ASPH: variants seen among roughly 807,000 people sequenced by gnomAD.
The protein encoded by ASPH is aspartate beta-hydroxylase, also known as aspartyl/asparaginyl beta-hydroxylase.
In ASPH, 100 loss-of-function variants were observed where a neutral mutation model predicts 118.4. The ratio of observed to expected loss-of-function variants is 0.84; its 90% CI spans 0.72 to 1.00. ASPH has a LOEUF of 1.00. Ranked by LOEUF, ASPH falls within the 50% of genes least tolerant of loss-of-function variation. The pLI, the probability that ASPH is intolerant of heterozygous loss-of-function variation, is 0.00. For missense variants in ASPH, 920 were observed against 919.5 expected, an observed-to-expected ratio of 1.00 and a Z score of -0.01; for synonymous variants, 315 against 325.6, an observed-to-expected ratio of 0.97 and a Z score of 0.35.
At chr8:61,523,632 A>T (rs1306850033) in intron 22 of ASPH, among the ~76,000 whole-genome samples, 1 of 152,060 alleles carries the variant, frequency 6.6e-6, no homozygotes, top group Non-Finnish European at 1.5e-5. Context: ...TTTATTCTTT[A>T]AACTATGAAT....
intron 3 of ASPH, among the ~76,000 whole-genome samples, chr8:61,667,986 C>A (rs1820557102): frequency 6.6e-6 from 1 of 152,040 alleles, no homozygotes; most frequent in Non-Finnish European, 1.5e-5. Context: ...TATATACATT[C>A]TTAATTTAAA....
At position 61,611,640 on chromosome 8, in the gene ASPH, C is replaced by A. The variant is rs867000820; in HGVS notation, c.976+7338G>T. Among the ~76,000 whole-genome samples, 51 of 152,284 alleles carry A rather than the reference C, an allele frequency of 3.3e-4. No homozygotes were observed. The Middle Eastern group carries it at 0.01, about 30-fold the overall frequency. ...TAAGAGGGCAGAACTTGGGGTTGGC[C>A]AGGCAACTGAAATTTAGATAGTGAA... On this transcript the variant is annotated intron_variant, in intron 14 of 24. Coordinates refer to ENST00000379454, the MANE Select transcript of ASPH (RefSeq NM_004318.4).
chr8:61,564,297 CTT>C (rs1176381658), intron 17 of ASPH, among the ~76,000 whole-genome samples: 34 of 133,974 alleles, frequency 2.5e-4, no homozygotes, highest in Admixed American at 2.3e-4. Flanking sequence ...AATGCTGATT[CTT>C]TTTTTTTTTT....
At chr8:61,547,179 T>A (rs554777919) in intron 21 of ASPH, among the ~76,000 whole-genome samples, 1 of 152,312 alleles carries the variant, frequency 6.6e-6, no homozygotes, top group Admixed American at 6.5e-5. Flanking sequence ...AAAGTAAACT[T>A]CTGACCAGTC....
chr8:61,508,501 A>ATAG (rs1371268225), intron 24 of ASPH, among the ~76,000 whole-genome samples: 1 of 152,238 alleles, frequency 6.6e-6, no homozygotes, highest in Non-Finnish European at 1.5e-5. Context: ...TAATTTGGTC[A>ATAG]CAGAATTACC....
chr8:61,632,596 T>C (rs767004445), intron 13 of ASPH: 86 of 461,350 alleles, frequency 1.9e-4, no homozygotes, highest in Non-Finnish European at 3.5e-4. Context: ...AAAAGGTCAA[T>C]TTCTCCATGG....
At chr8:61,564,985 C>T (rs1015299451) in intron 17 of ASPH, among the ~76,000 whole-genome samples, 10 of 152,186 alleles carry the variant, frequency 6.6e-5, no homozygotes, top group Non-Finnish European at 4.4e-5. Context: ...GACTGATGAT[C>T]TGTTATGGGA....
At chr8:61,578,118 CT>C in intron 15 of ASPH, 1 of 1,248,034 alleles carries the variant, frequency 8.0e-7, no homozygotes, top group Non-Finnish European at 1.1e-6. Context: ...TGGATAAATG[CT>C]CCCATTCAAA....
intron 3 of ASPH, chr8:61,664,995 C>A: frequency 8.3e-7 from 1 of 1,205,956 alleles, no homozygotes; most frequent in Admixed American, 4.1e-5. Flanking sequence ...GATACATATA[C>A]ATTTATCTGA....
chr8:61,686,254 A>G (rs1001594955), intron 1 of ASPH, among the ~76,000 whole-genome samples: 10 of 152,176 alleles, frequency 6.6e-5, no homozygotes, highest in African/African-American at 2.2e-4. Context: ...CTGGGCATAG[A>G]TCCTATTGTT....
intron 3 of ASPH, among the ~76,000 whole-genome samples, chr8:61,668,034 A>G (rs1414298608): frequency 6.6e-6 from 1 of 152,224 alleles, no homozygotes; most frequent in Non-Finnish European, 1.5e-5. Context: ...AAAGATAATG[A>G]CTTAAAATTA....
At chr8:61,696,054 C>T (rs1034632119) in intron 1 of ASPH, among the ~76,000 whole-genome samples, 3 of 152,162 alleles carry the variant, frequency 2.0e-5, no homozygotes, top group African/African-American at 7.2e-5. Flanking sequence ...CGTCCCTTCA[C>T]CAAGTTTTCA....
intron 20 of ASPH, among the ~76,000 whole-genome samples, chr8:61,551,013 C>T (rs1031345544): frequency 1.3e-5 from 2 of 152,116 alleles, no homozygotes; most frequent in Admixed American, 6.5e-5. Context: ...GGAGGAAAAA[C>T]GGTTTAGAGA....
At chr8:61,657,751 G>A (rs1050560609) in intron 3 of ASPH, 1 of 152,046 alleles carries the variant, frequency 6.6e-6, no homozygotes, top group African/African-American at 2.4e-5. Context: ...GGAACACAAA[G>A]GATTTACTTC....
At chr8:61,649,845 T>TC (rs1810003743) in intron 5 of ASPH, among the ~76,000 whole-genome samples, 1 of 152,032 alleles carries the variant, frequency 6.6e-6, no homozygotes, top group African/African-American at 2.4e-5. Flanking sequence ...CTAAATACCT[T>TC]CCCCAATGGC....
chr8:61,630,444 T>C (rs1182028398), intron 13 of ASPH, among the ~76,000 whole-genome samples: 2 of 152,066 alleles, frequency 1.3e-5, no homozygotes, highest in Non-Finnish European at 2.9e-5. Context: ...AATTGTAACA[T>C]GTGGTAGGAC....
chr8:61,617,308 G>A (rs1234964429), intron 14 of ASPH, among the ~76,000 whole-genome samples: 1 of 152,162 alleles, frequency 6.6e-6, no homozygotes, highest in African/African-American at 2.4e-5. Flanking sequence ...AAACAGTAGA[G>A]AGCAGGAGAA....
chr8:61,665,892 C>CA (rs1474034577), intron 3 of ASPH, among the ~76,000 whole-genome samples: 1 of 152,052 alleles, frequency 6.6e-6, no homozygotes, highest in African/African-American at 2.4e-5. Flanking sequence ...AAATTGAGGG[C>CA]ACCACGAAGG....
intron 17 of ASPH, among the ~76,000 whole-genome samples, chr8:61,565,688 A>G (rs7462486): frequency 9.3e-3 from 71 of 7,624 alleles, no homozygotes; most frequent in Non-Finnish European, 0.021. Context: ...CTAAACAGCA[A>G]ATTTTCTATG....
Sources: gnomAD v4.1 joint callset for allele counts (sites outside exome capture counted in the v4.1 genomes callset) on GRCh38, gnomAD v4.1.1 for gene constraint, MANE v1.5 for transcripts, NCBI Gene and HGNC (gene_info 2026-07-23, HGNC 2026-07-21) for gene names.